The following FANCB variants were observed in gnomAD, a reference collection of about 807,000 sequenced individuals.
The protein encoded by FANCB is FA complementation group B, also known as Fanconi anemia group B protein.
FANCB carries 5 observed loss-of-function variants against 38.9 expected under a neutral mutation model. That is an observed-to-expected ratio of 0.13 (90% CI 0.07 to 0.27). The LOEUF is 0.27. FANCB is among the 10% of genes least tolerant of loss of function. The pLI, the probability that FANCB is intolerant of heterozygous loss-of-function variation, is 1.00. For missense variants in FANCB, 573 were observed against 602.7 expected (o/e 0.95, Z 0.52); for synonymous variants, 236 against 215.4 (o/e 1.10, Z -0.84).
At chrX:14,741,767 G>A in the FANCB span, among the ~76,000 whole-genome samples, 2 of 111,940 alleles carry the variant, frequency 1.8e-5, no homozygotes, top group African/African-American at 6.5e-5. Context: ...TTTAATTGAT[G>A]AAAAAACAGT....
At chrX:14,814,341 A>C in the FANCB span, among the ~76,000 whole-genome samples, 1 of 112,176 alleles carries the variant, frequency 8.9e-6, no homozygotes, top group Non-Finnish European at 1.9e-5. Context: ...TAATTAAACT[A>C]AAGAGCTTCT....
At chrX:14,739,702 A>G in the FANCB span, among the ~76,000 whole-genome samples, 1 of 111,958 alleles carries the variant, frequency 8.9e-6, no homozygotes, top group Non-Finnish European at 1.9e-5. Context: ...AAAGGCGTTT[A>G]TTTTCATTTT....
At chrX:14,818,323 CTGGACCCAGAAGCATATCTGAGT>C in the FANCB span, among the ~76,000 whole-genome samples, 3 of 104,946 alleles carry the variant, frequency 2.9e-5, no homozygotes, top group African/African-American at 7.1e-5. Flanking sequence ...ATCTCTTGGG[CTGGACCCAGAAGCATATCTGAGT>C]TGGACCCAGA....
Position 14,859,253 on chromosome X carries a change from A to G in FANCB, c.1033T>C (p.Phe345Leu). The G allele has an allele frequency of 8.5e-7, 1 of 1,178,785 alleles. No homozygotes were observed. Among genetic ancestry groups the G allele is most frequent in the Non-Finnish European group, 1.2e-6 (1 of 865,871 alleles). The change falls in exon 4 of 10, where the codon TTT becomes CTT. Residue 345 changes from phenylalanine (F) to leucine (L), a missense_variant. Phe to Leu is a conservative substitution (Grantham distance 22). Coordinates refer to ENST00000650831, the MANE Select transcript of FANCB (RefSeq NM_001018113.3). ...GSGTEQVLLL[F>L]KDSLNSDCLT... ...CAGTCTGAGTTCAAGGAGTCCTTAA[A>G]AAGTAGGAGTACTTGTTCAGTTCCA...
At chrX:14,759,179 G>A in the FANCB span, among the ~76,000 whole-genome samples, 5 of 111,379 alleles carry the variant, frequency 4.5e-5, no homozygotes, top group African/African-American at 1.3e-4. Flanking sequence ...AAAGAAAAAA[G>A]AATTTTAAAA....
the FANCB span, among the ~76,000 whole-genome samples, chrX:14,800,072 TGA>T: frequency 8.9e-6 from 1 of 111,955 alleles, no homozygotes; most frequent in Middle Eastern, 4.6e-3. Context: ...CAGCAAAATG[TGA>T]GAGAGTATGC....
intron 5 of FANCB, among the ~76,000 whole-genome samples, chrX:14,854,820 C>T (rs2092416964): frequency 1.8e-5 from 2 of 111,797 alleles, no homozygotes; most frequent in East Asian, 5.6e-4. Context: ...ATCATAATTG[C>T]CCTTTCTCCC....
At chrX:14,814,836 T>C in the FANCB span, among the ~76,000 whole-genome samples, 4 of 111,921 alleles carry the variant, frequency 3.6e-5, no homozygotes, top group Admixed American at 3.8e-4. Context: ...ACCCAAAGGA[T>C]TATAAATCAT....
intron 3 of FANCB, chrX:14,862,338 G>A (rs1466211417): frequency 1.8e-5 from 2 of 111,242 alleles, no homozygotes; most frequent in African/African-American, 3.3e-5. Context: ...AGCACCTTAG[G>A]GGGTAAGTCA....
chrX:14,815,174 G>T, the FANCB span, among the ~76,000 whole-genome samples: 1 of 110,604 alleles, frequency 9.0e-6, no homozygotes, highest in African/African-American at 3.3e-5. Flanking sequence ...CTGTCTTGGG[G>T]TGGGGGGCAG....
chrX:14,815,282 C>A, the FANCB span, among the ~76,000 whole-genome samples: 1 of 108,589 alleles, frequency 9.2e-6, no homozygotes, highest in Non-Finnish European at 1.9e-5. Context: ...AACAAACCTG[C>A]ACGTTGTGCA....
At chrX:14,790,510 T>G in the FANCB span, among the ~76,000 whole-genome samples, 3 of 112,244 alleles carry the variant, frequency 2.7e-5, no homozygotes, top group African/African-American at 9.7e-5. Flanking sequence ...TAGTTATATT[T>G]TTTATATGTC....
the FANCB span, among the ~76,000 whole-genome samples, chrX:14,718,746 C>A: frequency 3.2e-4 from 36 of 111,705 alleles, no homozygotes; most frequent in East Asian, 1.7e-3. Context: ...AGCATGGCAG[C>A]CTCAGGGTAG....
the FANCB span, among the ~76,000 whole-genome samples, chrX:14,795,407 G>A: frequency 9.0e-6 from 1 of 111,677 alleles, no homozygotes; most frequent in African/African-American, 3.3e-5. Flanking sequence ...TAGCTGCAGA[G>A]AGAAGCCAGT....
At chrX:14,815,108 G>C in the FANCB span, among the ~76,000 whole-genome samples, 2 of 110,996 alleles carry the variant, frequency 1.8e-5, no homozygotes, top group Non-Finnish European at 3.8e-5. Flanking sequence ...CTCATAGATG[G>C]GAATTGAACA....
At chrX:14,852,993 AT>A in intron 6 of FANCB, 45 bp downstream of exon 6, 6 of 1,131,720 alleles carry the variant, frequency 5.3e-6, no homozygotes, top group Non-Finnish European at 7.2e-6. Context: ...TAGCTTATAG[AT>A]TTTCAATTCA....
the FANCB span, among the ~76,000 whole-genome samples, chrX:14,757,759 G>A: frequency 8.9e-6 from 1 of 112,154 alleles, no homozygotes; most frequent in Non-Finnish European, 1.9e-5. Context: ...ACTGGGAAAA[G>A]ACCACAGGGA....
the FANCB span, among the ~76,000 whole-genome samples, chrX:14,822,405 T>C: frequency 1.0e-4 from 11 of 109,477 alleles, no homozygotes; most frequent in South Asian, 4.4e-3. Flanking sequence ...TCATTTTGGC[T>C]TGTGGTCTTA....
the FANCB span, among the ~76,000 whole-genome samples, chrX:14,704,350 G>A: frequency 8.9e-6 from 1 of 112,192 alleles, no homozygotes; most frequent in African/African-American, 3.2e-5. Context: ...CTTAATTGGT[G>A]TAAGATTCTT....
Sources: gnomAD v4.1 joint callset for allele counts (sites outside exome capture counted in the v4.1 genomes callset) on GRCh38, gnomAD v4.1.1 for gene constraint, MANE v1.5 for transcripts, NCBI Gene and HGNC (gene_info 2026-07-23, HGNC 2026-07-21) for gene names.